LARGE1: variants seen among roughly 807,000 people sequenced by gnomAD.
LARGE1 encodes the protein LARGE xylosyl- and glucuronyltransferase 1, also known as xylosyl- and glucuronyltransferase LARGE1.
LARGE1 carries 43 observed loss-of-function variants against 87.6 expected under a neutral mutation model. The ratio of observed to expected loss-of-function variants is 0.49; its 90% CI spans 0.38 to 0.63. LARGE1 has a LOEUF of 0.63. Among genes scored for constraint, LARGE1 ranks in the 30% least tolerant of loss-of-function variants. LARGE1 has a pLI of 0.00. For synonymous variants in LARGE1, 434 were observed against 394.6 expected (o/e 1.10, Z -1.18); for missense variants, 802 against 1,000.2 (o/e 0.80, Z 2.67).
Position 33,564,971 on chromosome 22 carries a change from G to A in LARGE1, c.664C>T (p.Leu222=), listed in dbSNP as rs148889570. 1.8e-5 allele frequency: 29 copies of A among 1,613,982 alleles called. No homozygotes were observed. Among genetic ancestry groups the A allele is most frequent in the Non-Finnish European group, 2.4e-5 (28 of 1,179,996 alleles). ...GTCTTGGTCAGGACAAGCTTCATCA[G>A]ACCATAAATCCCAGAGTAATGTTTA... ...PNKHYSGIYG[L]MKLVLTKTLP... is the part of the protein sequence containing the mutation. The change falls in exon 6 of 15, where the codon CTG becomes TTG. Residue 222 remains leucine, a synonymous_variant. Coordinates refer to ENST00000397394, the MANE Select transcript of LARGE1 (RefSeq NM_133642.5).
chr22:33,630,479 C>A (rs972817291), intron 3 of LARGE1, among the ~76,000 whole-genome samples: 1 of 152,176 alleles, frequency 6.6e-6, no homozygotes, highest in African/African-American at 2.4e-5. Context: ...GTCTACTGCT[C>A]CTAGGCTACA....
intron 11 of LARGE1, among the ~76,000 whole-genome samples, chr22:33,248,619 T>C (rs911527015): frequency 1.3e-5 from 2 of 152,200 alleles, no homozygotes; most frequent in African/African-American, 4.8e-5. Context: ...GTGTGGTCCA[T>C]TCTGTGGGTC....
intron 5 of LARGE1, among the ~76,000 whole-genome samples, chr22:33,569,510 C>A (rs922889562): frequency 6.6e-6 from 1 of 152,164 alleles, no homozygotes; most frequent in East Asian, 1.9e-4. Context: ...AGTTTGTATT[C>A]AGAAAGAAAG....
chr22:33,162,885 C>A (rs1393806827), exon 12 of LARGE1: 1 of 152,170 alleles, frequency 6.6e-6, no homozygotes, highest in Non-Finnish European at 1.5e-5. Context: ...AACACTTGGA[C>A]GTGTATGCTT....
At chr22:33,907,922 A>G (rs2065504603) in intron 1 of LARGE1, among the ~76,000 whole-genome samples, 3 of 152,172 alleles carry the variant, frequency 2.0e-5, no homozygotes, top group African/African-American at 7.2e-5. Context: ...CTAGGTCTGC[A>G]GTGATGACTA....
chr22:33,325,346 G>A (rs1206527003), intron 10 of LARGE1, among the ~76,000 whole-genome samples: 4 of 152,264 alleles, frequency 2.6e-5, no homozygotes, highest in Non-Finnish European at 5.9e-5. Context: ...GGCCACTGGA[G>A]TCTGGAAAGG....
intron 11 of LARGE1, among the ~76,000 whole-genome samples, chr22:33,236,990 A>C (rs553209872): frequency 1.3e-5 from 2 of 152,340 alleles, no homozygotes; most frequent in African/African-American, 4.8e-5. Flanking sequence ...ACAAGCTTTG[A>C]AATGTAACAA....
At chr22:33,677,117 A>G (rs905324685) in intron 2 of LARGE1, among the ~76,000 whole-genome samples, 56 of 152,078 alleles carry the variant, frequency 3.7e-4, no homozygotes, top group African/African-American at 1.4e-3. Context: ...CCAGCATTAG[A>G]ACCCAGGTGT....
chr22:33,314,112 A>G (rs1038741742), intron 11 of LARGE1, among the ~76,000 whole-genome samples: 7 of 152,048 alleles, frequency 4.6e-5, no homozygotes, highest in Admixed American at 4.6e-4. Flanking sequence ...CCAAGAAGGG[A>G]CAGGGCTCGC....
chr22:33,096,191 G>A, the LARGE1 span, among the ~76,000 whole-genome samples: 1 of 152,108 alleles, frequency 6.6e-6, no homozygotes, highest in Non-Finnish European at 1.5e-5. Flanking sequence ...CGAGGCGGGT[G>A]GATCACGTGA....
chr22:33,866,730 G>A lies in LARGE1; in HGVS notation c.-83+53265C>T, dbSNP rs187380660. Among the ~76,000 whole-genome samples, 12 of 152,280 alleles carry A rather than the reference G, an allele frequency of 7.9e-5. No individual in the cohort carries two copies. In the East Asian group the frequency reaches 9.7e-4, roughly 12 times the overall value. ...GACGACAGACACCCTTATGGTGCAC[G>A]GTGGATTGCTGCGAGGATTAGAAAG... On this transcript the variant is annotated intron_variant, in intron 1 of 14. Coordinates refer to ENST00000397394, the MANE Select transcript of LARGE1 (RefSeq NM_133642.5).
chr22:33,367,725 C>A (rs973598729), intron 9 of LARGE1, among the ~76,000 whole-genome samples: 1 of 152,136 alleles, frequency 6.6e-6, no homozygotes, highest in African/African-American at 2.4e-5. Context: ...CCAGGCCCGG[C>A]CAACTCTAAC....
At chr22:33,366,692 T>C (rs902031261) in intron 9 of LARGE1, among the ~76,000 whole-genome samples, 2 of 152,238 alleles carry the variant, frequency 1.3e-5, no homozygotes, top group Admixed American at 6.5e-5. Flanking sequence ...TCCGCCATGA[T>C]TGTGAGGCCT....
chr22:33,128,662 G>A, the LARGE1 span, among the ~76,000 whole-genome samples: 1 of 136,168 alleles, frequency 7.3e-6, no homozygotes, highest in East Asian at 2.2e-4. Flanking sequence ...GGACAAGAGT[G>A]AGACTTCGTC....
chr22:33,722,648 G>A (rs1257393088), intron 2 of LARGE1, among the ~76,000 whole-genome samples: 1 of 152,088 alleles, frequency 6.6e-6, no homozygotes, highest in Non-Finnish European at 1.5e-5. Flanking sequence ...CAGAAGGCAC[G>A]TTATAGTAAG....
intron 1 of LARGE1, among the ~76,000 whole-genome samples, chr22:33,813,603 T>C (rs1214912924): frequency 6.6e-6 from 1 of 152,126 alleles, no homozygotes; most frequent in Non-Finnish European, 1.5e-5. Context: ...AACATACAGC[T>C]TCTGTTCGGC....
At chr22:33,345,437 T>C (rs1189107815) in intron 9 of LARGE1, among the ~76,000 whole-genome samples, 1 of 152,186 alleles carries the variant, frequency 6.6e-6, no homozygotes, top group Non-Finnish European at 1.5e-5. Flanking sequence ...CCTGGGATAC[T>C]AAGGCTGCAG....
At chr22:33,226,063 G>T (rs1925717535) in intron 11 of LARGE1, among the ~76,000 whole-genome samples, 1 of 152,006 alleles carries the variant, frequency 6.6e-6, no homozygotes, top group South Asian at 2.1e-4. Context: ...CATTCCTTTG[G>T]GTATATACCC....
At chr22:33,761,698 A>C in intron 1 of LARGE1, 140 bp from the exon 2 acceptor site, 1 of 594,232 alleles carries the variant, frequency 1.7e-6, no homozygotes, top group East Asian at 2.8e-5. Context: ...CCAAGAGATG[A>C]TGCTGCCGTC....
Sources: gnomAD v4.1 joint callset for allele counts (sites outside exome capture counted in the v4.1 genomes callset) on GRCh38, gnomAD v4.1.1 for gene constraint, MANE v1.5 for transcripts, NCBI Gene and HGNC (gene_info 2026-07-23, HGNC 2026-07-21) for gene names.